Variants in DROSHA observed in about 807,000 individuals in gnomAD.
The protein encoded by DROSHA is ribonuclease 3.
A neutral mutation model predicts 181.9 loss-of-function variants in DROSHA; 56 were observed. The ratio of observed to expected loss-of-function variants is 0.31; its 90% confidence interval spans 0.25 to 0.38. The LOEUF (loss-of-function observed/expected upper bound fraction) is 0.38, where lower values mean the gene tolerates loss of function less well. Ranked by LOEUF, DROSHA falls within the 10% of genes least tolerant of loss-of-function variation. The pLI is 1.00. For synonymous variants in DROSHA, 524 were observed against 591.2 expected, an observed-to-expected ratio of 0.89 and a Z score of 1.65; for missense variants, 1,218 against 1,743.5, an observed-to-expected ratio of 0.70 and a Z score of 5.37.
chr5:31,403,623 C>T (rs1265955718), intron 35 of DROSHA, among the ~76,000 whole-genome samples: 1 of 152,116 alleles, frequency 6.6e-6, no homozygotes, highest in African/African-American at 2.4e-5. Context: ...AACTACTATC[C>T]ACAGGCCAAA....
rs531674189 is a variant in DROSHA at position 31,480,093 on chromosome 5, T to A, written c.2071+3461A>T. Among the ~76,000 whole-genome samples, 3 of 150,194 alleles carry A rather than the reference T, an allele frequency of 2.0e-5. No individual in the cohort carries two copies. The East Asian group carries it at 5.8e-4, about 29-fold the overall frequency. ...AATGACTAATAAAATGGAGCACTAT[T>A]TCATATATTTATTAGGTACCTAGAT... On this transcript the variant is annotated intron_variant, in intron 16 of 35. Transcript: ENST00000344624.
At position 31,508,588 on chromosome 5, in the gene DROSHA, C is replaced by T. The variant is rs771378669; in HGVS notation, c.1587+33G>A. ...GCAATAACCGTTATGTCTGGGTTTGCAACCTTCACAGCAAGGGCATAAAAA... is the reference window on the plus strand; with the variant it reads ...GCAATAACCGTTATGTCTGGGTTTGTAACCTTCACAGCAAGGGCATAAAAA... On this transcript the variant is annotated intron_variant, in intron 10 of 35. Transcript: ENST00000344624. 5.6e-6 allele frequency: 9 copies of T among 1,613,192 alleles called. No individual in the cohort carries two copies. In the African/African-American group the frequency reaches 8.0e-5, roughly 14 times the overall value.
chr5:31,515,837 G>C (rs565817058), intron 6 of DROSHA, among the ~76,000 whole-genome samples: 27 of 152,038 alleles, frequency 1.8e-4, no homozygotes, highest in Non-Finnish European at 3.1e-4. Flanking sequence ...GCCTAATGTT[G>C]GTCCTCACAG....
chr5:31,463,828 T>C (rs1471562482), intron 20 of DROSHA, among the ~76,000 whole-genome samples: 1 of 152,186 alleles, frequency 6.6e-6, no homozygotes, highest in African/African-American at 2.4e-5. Flanking sequence ...CAATGTAAAT[T>C]TGAGTCATCA....
intron 19 of DROSHA, among the ~76,000 whole-genome samples, chr5:31,465,405 A>G (rs369295615): frequency 2.6e-5 from 4 of 152,236 alleles, no homozygotes; most frequent in African/African-American, 9.6e-5. Context: ...CCAATGGAAG[A>G]CAATCTTTTC....
Position 31,476,263 on chromosome 5 carries a change from G to C in DROSHA, c.2072-4031C>G, listed in dbSNP as rs1750359843. On this transcript the variant is annotated intron_variant, in intron 16 of 35. Coordinates refer to ENST00000344624, the MANE Select transcript of DROSHA (RefSeq NM_001382508.1). ...TCCTGTAATCCCAGCTACTCAGGAG[G>C]CTGGGGCAGGAGAATCGCTTGAATC... Among the ~76,000 whole-genome samples, 5 of 152,182 alleles carry C rather than the reference G, an allele frequency of 3.3e-5. No homozygotes were observed. In the South Asian group the frequency reaches 1.0e-3, roughly 31 times the overall value.
At position 31,409,554 on chromosome 5, in the gene DROSHA, G is replaced by C; in HGVS notation, c.3668-222C>G. ...AATCATAGAGTACAAACACCAAACTGCATTTAGCTAAGGGCTAAAGGAATA... is the reference window on the plus strand; with the variant it reads ...AATCATAGAGTACAAACACCAAACTCCATTTAGCTAAGGGCTAAAGGAATA... On this transcript the variant is annotated intron_variant, in intron 31 of 35. Transcript: ENST00000344624. The surrounding 1 kb of genome is among the most constrained non-coding windows in gnomAD (Gnocchi z 4.0). 3.8e-6 allele frequency: 2 copies of C among 523,102 alleles called. No homozygotes were observed. Among genetic ancestry groups the C allele is most frequent in the South Asian group, 4.4e-5 (2 of 45,150 alleles). The allele number at this position is 523,102 out of a possible 1,614,324, so 32.4% of individuals were successfully genotyped here. A position where few individuals can be genotyped will look rare whatever the true frequency, so the allele number is the denominator to read the frequency against.
intron 16 of DROSHA, 99 bp downstream of exon 16, chr5:31,483,455 C>T (rs1050961433): frequency 2.2e-5 from 25 of 1,140,744 alleles, no homozygotes; most frequent in South Asian, 2.0e-4. Context: ...TTAACAGTAT[C>T]GAAGGTGGGA....
Position 31,515,476 on chromosome 5 carries a change from G to T in DROSHA, c.1036C>A (p.Pro346Thr). 7.0e-7 allele frequency: 1 copy of T among 1,425,028 alleles called. No homozygotes were observed. Among genetic ancestry groups the T allele is most frequent in the Non-Finnish European group, 9.7e-7 (1 of 1,030,808 alleles). 88.3% of individuals were successfully genotyped at this position (1,425,028 alleles called of 1,614,324 possible). ...TACTGATTCACAATCTCCAGGGGTG[G>T]GGCCCAAGAATCTGTATTTTTAATA... ...EIIKNTDSWA[P>T]PLEIVNHRSP... Residue 346 changes from proline (P) to threonine (T), a missense_variant, in exon 7 of 36, where the codon CCA becomes ACA. Around this residue, in one of 8 missense-constraint regions of DROSHA, gnomAD observed 536 missense variants for 535.4 expected, o/e 1.00. Coordinates refer to ENST00000344624, the MANE Select transcript of DROSHA (RefSeq NM_001382508.1).
At chr5:31,410,652 C>G (rs557146348) in intron 31 of DROSHA, 94 bp downstream of exon 31, 80 of 1,468,306 alleles carry the variant, frequency 5.4e-5, no homozygotes, top group African/African-American at 5.1e-4. Context: ...GTTTCTTTAG[C>G]CAGAACATAA....
Position 31,495,367 on chromosome 5 carries a change from G to A in DROSHA, c.1674C>T (p.Ile558=). The part of the protein sequence containing the change: ...RHSIYPGEEA[I]KPCRPMTNNA... ...TGTTGGTCATAGGACGACAGGGCTT[G>A]ATGGCCTGAGGGGAAAAAAACGAAA... is the stretch of plus-strand genomic sequence containing the variant. The change falls in exon 12 of 36, where the codon ATC becomes ATT. Residue 558 remains isoleucine (I), a synonymous_variant. Coordinates refer to ENST00000344624, the MANE Select transcript of DROSHA (RefSeq NM_001382508.1). The A allele has an allele frequency of 1.2e-6, 2 of 1,613,472 alleles. No homozygotes were observed. Among genetic ancestry groups the A allele is most frequent in the Non-Finnish European group, 1.7e-6 (2 of 1,179,694 alleles).
chr5:31,464,857 T>A (rs1041161491), intron 19 of DROSHA, among the ~76,000 whole-genome samples: 2 of 152,158 alleles, frequency 1.3e-5, no homozygotes, highest in African/African-American at 2.4e-5. Context: ...GATTAGGAAC[T>A]AACTCTTCCC....
intron 3 of DROSHA, among the ~76,000 whole-genome samples, chr5:31,529,337 T>A (rs955124537): frequency 6.6e-6 from 1 of 152,170 alleles, no homozygotes; most frequent in Non-Finnish European, 1.5e-5. Context: ...TATCAGCAGC[T>A]AAAAAGACTT....
intron 20 of DROSHA, among the ~76,000 whole-genome samples, chr5:31,456,463 TACACACACAC>T (rs35756228): frequency 3.4e-5 from 5 of 146,636 alleles, no homozygotes; most frequent in African/African-American, 1.3e-4. Context: ...GACAACAAGA[TACACACACAC>T]ACACACACAC....
chr5:31,465,155 G>A (rs1748863502), intron 19 of DROSHA, among the ~76,000 whole-genome samples: 2 of 152,248 alleles, frequency 1.3e-5, no homozygotes, highest in South Asian at 4.2e-4. Flanking sequence ...CACAGTAAGT[G>A]ACAAAGCCAG....
At chr5:31,509,672 C>A (rs969029508) in intron 9 of DROSHA, among the ~76,000 whole-genome samples, 3 of 152,126 alleles carry the variant, frequency 2.0e-5, no homozygotes, top group Non-Finnish European at 4.4e-5. Context: ...GAATGCAAGA[C>A]CAAAGACTTG....
chr5:31,417,626 T>C (rs1013047266), intron 30 of DROSHA, among the ~76,000 whole-genome samples: 2 of 152,102 alleles, frequency 1.3e-5, no homozygotes, highest in Non-Finnish European at 2.9e-5. Flanking sequence ...TAGGAAGTAG[T>C]GTAAAGATGT....
rs948200804 is a variant in DROSHA at position 31,435,992 on chromosome 5, ATCTGATTAAAG to A, written c.2943-139_2943-129del. On this transcript the variant is annotated intron_variant, in intron 24 of 35. Transcript: ENST00000344624. Reference sequence around the variant, plus strand: ...GATATCAGGTGAATCAAACTAAAGGATCTGATTAAAGTCTTTGAAAGTTAAATGGTAAGAAC... The same window carrying A: ...GATATCAGGTGAATCAAACTAAAGGATCTTTGAAAGTTAAATGGTAAGAAC... 6.4e-6 allele frequency: 5 copies of A among 781,766 alleles called. No individual in the cohort carries two copies. In the Admixed American group the frequency reaches 1.4e-4, roughly 22 times the overall value. 48.4% of individuals were successfully genotyped at this position (781,766 alleles called of 1,614,324 possible).
intron 30 of DROSHA, among the ~76,000 whole-genome samples, chr5:31,419,909 A>G (rs1742465794): frequency 6.6e-6 from 1 of 151,952 alleles, no homozygotes; most frequent in African/African-American, 2.4e-5. Flanking sequence ...TGAATTTAAT[A>G]TTAAGTCATG....
Sources: allele counts gnomAD v4.1 joint callset (sites outside exome capture counted in the v4.1 genomes callset), GRCh38; gene constraint gnomAD v4.1.1; regional missense constraint gnomAD v4.1.1; non-coding constraint Gnocchi (gnomAD v3.1); transcripts MANE v1.5; gene names NCBI Gene and HGNC (gene_info 2026-07-23, HGNC 2026-07-21).